The following COL21A1 variants were observed in gnomAD, a reference collection of about 807,000 sequenced individuals.
COL21A1 encodes the protein collagen type XXI alpha 1 chain, also known as collagen alpha-1(XXI) chain.
In COL21A1, 149 loss-of-function variants were observed where a neutral mutation model predicts 137.9. That is an observed-to-expected ratio of 1.08 (90% CI 0.95 to 1.24). The LOEUF (loss-of-function observed/expected upper bound fraction) is 1.24, where lower values mean the gene tolerates loss of function less well. Among genes scored for constraint, COL21A1 ranks in the 50% most tolerant of loss-of-function variants. The pLI is 0.00. For missense variants in COL21A1, 1,167 were observed against 1,158.4 expected (o/e 1.01, Z -0.11); for synonymous variants, 456 against 391.5 (o/e 1.16, Z -1.95).
At chr6:56,310,732 A>G (rs1186335967) in intron 1 of COL21A1, among the ~76,000 whole-genome samples, 1 of 152,332 alleles carries the variant, frequency 6.6e-6, no homozygotes, top group East Asian at 1.9e-4. Flanking sequence ...AAGCTTTACC[A>G]TCCAATGCTA....
intron 10 of COL21A1, 69 bp from the exon 11 acceptor site, chr6:56,142,052 A>G: frequency 8.8e-7 from 1 of 1,135,936 alleles, no homozygotes; most frequent in Non-Finnish European, 1.2e-6. Flanking sequence ...TCTTCGTTTC[A>G]GAATTCACTC....
intron 1 of COL21A1, among the ~76,000 whole-genome samples, chr6:56,275,525 CAAATAATCCCGTTAA>C (rs1183034861): frequency 6.6e-6 from 1 of 151,954 alleles, no homozygotes; most frequent in Non-Finnish European, 1.5e-5. Flanking sequence ...AGGAAAAAAA[CAAATAATCCCGTTAA>C]AAATGGATAA....
chr6:56,272,443 C>T (rs563375097), intron 1 of COL21A1, among the ~76,000 whole-genome samples: 2 of 152,064 alleles, frequency 1.3e-5, no homozygotes, highest in African/African-American at 4.8e-5. Flanking sequence ...GGCTCATAGG[C>T]GGAAGGGACT....
At chr6:56,115,200 C>T (rs1267559344) in intron 16 of COL21A1, among the ~76,000 whole-genome samples, 8 of 150,274 alleles carry the variant, frequency 5.3e-5, no homozygotes, top group Admixed American at 6.6e-5. Flanking sequence ...TGCTAGATGA[C>T]GAGTTAGTGG....
chr6:56,291,111 A>C (rs11968429), intron 1 of COL21A1, among the ~76,000 whole-genome samples: 2,761 of 152,294 alleles, frequency 0.018, 87 homozygotes, highest in African/African-American at 0.063. Flanking sequence ...AAACCACAGC[A>C]GTTATCTGAA....
rs1769534478 is a variant in COL21A1, at chr6:56,097,836, T to TAAATATATAAATATATATAAATATATAA, written c.1812+3608_1812+3635dup. On this transcript the variant is annotated intron_variant, in intron 17 of 29. Transcript: ENST00000244728. ...ATATATAAATACATATAAATATATA[T>TAAATATATAAATATATATAAATATATAA]AAATATATAAATATATATAAATATA... is the stretch of plus-strand genomic sequence containing the variant. Among the ~76,000 whole-genome samples the TAAATATATAAATATATATAAATATATAA allele has an allele frequency of 5.2e-5, 2 of 38,258 alleles. 1 individual carries two copies. The highest frequency in any genetic ancestry group is 9.1e-5 in the Non-Finnish European group (2 of 21,976). 25.1% of individuals were successfully genotyped at this position (38,258 alleles called of 152,430 possible). A position where few individuals can be genotyped will look rare whatever the true frequency, so the allele number is the denominator to read the frequency against.
At chr6:56,074,644 T>C (rs1767050618) in intron 19 of COL21A1, among the ~76,000 whole-genome samples, 1 of 151,380 alleles carries the variant, frequency 6.6e-6, no homozygotes, top group Non-Finnish European at 1.5e-5. Context: ...ATAGATGTTA[T>C]CCTGATTAAC....
intron 12 of COL21A1, among the ~76,000 whole-genome samples, chr6:56,132,297 A>T (rs1490102297): frequency 6.6e-6 from 1 of 152,152 alleles, no homozygotes; most frequent in Non-Finnish European, 1.5e-5. Flanking sequence ...AAACTAATCC[A>T]TATGTGCAAA....
At chr6:56,089,039 C>G (rs909789758) in intron 17 of COL21A1, among the ~76,000 whole-genome samples, 3 of 152,246 alleles carry the variant, frequency 2.0e-5, no homozygotes, top group Admixed American at 2.0e-4. Flanking sequence ...GTCCGCCCCC[C>G]TTAACTCCCA....
chr6:56,214,956 A>G (rs1015872886), intron 1 of COL21A1, among the ~76,000 whole-genome samples: 3 of 152,102 alleles, frequency 2.0e-5, no homozygotes, highest in Non-Finnish European at 4.4e-5. Context: ...CTGAACAGTC[A>G]ACTTTAAATT....
At chr6:56,354,446 G>C (rs1581767205) in intron 1 of COL21A1, among the ~76,000 whole-genome samples, 1 of 151,972 alleles carries the variant, frequency 6.6e-6, no homozygotes, top group Non-Finnish European at 1.5e-5. Context: ...GACAAAAAGA[G>C]TAGCCATTTT....
At chr6:56,296,883 T>A (rs1365327407) in intron 1 of COL21A1, among the ~76,000 whole-genome samples, 1 of 152,084 alleles carries the variant, frequency 6.6e-6, no homozygotes, top group African/African-American at 2.4e-5. Flanking sequence ...TTATCAAAGA[T>A]GGGTTTCCAA....
chr6:56,201,048 T>C (rs914412782), intron 1 of COL21A1, among the ~76,000 whole-genome samples: 3 of 152,064 alleles, frequency 2.0e-5, no homozygotes, highest in South Asian at 2.1e-4. Context: ...ATTTCTCTGA[T>C]GGCCAGTGAT....
chr6:56,068,928 G>A (rs1212557758), intron 22 of COL21A1, 118 bp downstream of exon 22: 1 of 686,200 alleles, frequency 1.5e-6, no homozygotes, highest in East Asian at 2.9e-5. Context: ...GAATATATAG[G>A]GTACTTTATC....
At chr6:56,392,377 A>G (rs1195874252) in intron 1 of COL21A1, among the ~76,000 whole-genome samples, 1 of 152,212 alleles carries the variant, frequency 6.6e-6, no homozygotes, top group Non-Finnish European at 1.5e-5. Context: ...ACAAACTCAT[A>G]GCTAGTATCA....
intron 1 of COL21A1, among the ~76,000 whole-genome samples, chr6:56,196,818 T>C (rs1161776369): frequency 6.6e-6 from 1 of 152,054 alleles, no homozygotes; most frequent in Non-Finnish European, 1.5e-5. Context: ...AAGGGATCTA[T>C]AGATTTAGTT....
chr6:56,129,041 T>C (rs1366923877), intron 12 of COL21A1, among the ~76,000 whole-genome samples: 6 of 152,174 alleles, frequency 3.9e-5, no homozygotes, highest in Non-Finnish European at 8.8e-5. Flanking sequence ...GAAAATAAAC[T>C]TTCGTGTTTC....
At chr6:56,388,227 T>C (rs2094022374) in intron 1 of COL21A1, among the ~76,000 whole-genome samples, 1 of 152,194 alleles carries the variant, frequency 6.6e-6, no homozygotes, top group Non-Finnish European at 1.5e-5. Context: ...ACCTGCTGAC[T>C]AAAGAGCCCT....
chr6:56,364,211 G>C (rs1000910973), intron 1 of COL21A1, among the ~76,000 whole-genome samples: 3 of 152,088 alleles, frequency 2.0e-5, no homozygotes, highest in Non-Finnish European at 4.4e-5. Flanking sequence ...GTAATTGGCA[G>C]AGGGAACCAT....
Sources: allele counts gnomAD v4.1 joint callset (sites outside exome capture counted in the v4.1 genomes callset), GRCh38; gene constraint gnomAD v4.1.1; transcripts MANE v1.5; gene names NCBI Gene and HGNC (gene_info 2026-07-23, HGNC 2026-07-21).